The following HDAC4 variants were observed in gnomAD, a reference collection of about 807,000 sequenced individuals.
The protein encoded by HDAC4 is histone deacetylase A.
Under a neutral mutation model 135.1 loss-of-function variants are expected in HDAC4, and 16 were observed. That is an observed-to-expected ratio of 0.12 (90% CI 0.08 to 0.18). HDAC4 has a LOEUF of 0.18. HDAC4 is among the 10% of genes least tolerant of loss of function. The pLI is 1.00. For synonymous variants in HDAC4, 685 were observed against 653.4 expected, an observed-to-expected ratio of 1.05 and a Z score of -0.74; for missense variants, 1,143 against 1,511.8, an observed-to-expected ratio of 0.76 and a Z score of 4.05.
Position 239,331,156 on chromosome 2 carries a change from G to A in HDAC4, c.22+21522C>T, listed in dbSNP as rs1464850307. On this transcript the variant is annotated intron_variant, in intron 2 of 26. Transcript: ENST00000543185. This position sits in a 1 kb window ranked among gnomAD's most constrained non-coding sequence, Gnocchi z 4.5. ...GAGGAAGCGGGGCTGATGGGCCATCGGAGCAAAGCGCGGCCAGCACTGTCG... is the reference window on the plus strand; with the variant it reads ...GAGGAAGCGGGGCTGATGGGCCATCAGAGCAAAGCGCGGCCAGCACTGTCG... Among the ~76,000 whole-genome samples the A allele has an allele frequency of 6.6e-6, 1 of 152,178 alleles. No individual in the cohort carries two copies. The highest frequency in any genetic ancestry group is 1.5e-5 in the Non-Finnish European group (1 of 68,036).
intron 2 of HDAC4, among the ~76,000 whole-genome samples, chr2:239,253,999 G>A (rs572338245): frequency 6.6e-6 from 1 of 152,132 alleles, no homozygotes; most frequent in Non-Finnish European, 1.5e-5. Flanking sequence ...ACCAGGCCTG[G>A]GAAGCAATAG....
At chr2:239,384,640 G>A (rs1695660311) in intron 1 of HDAC4, among the ~76,000 whole-genome samples, 1 of 152,040 alleles carries the variant, frequency 6.6e-6, no homozygotes, top group African/African-American at 2.4e-5. Context: ...GGAAACGGAA[G>A]AAAAGAAAGA....
chr2:239,231,047 C>T (rs369636621), intron 3 of HDAC4, among the ~76,000 whole-genome samples: 3 of 152,174 alleles, frequency 2.0e-5, no homozygotes, highest in Admixed American at 6.5e-5. Context: ...TGAAGCCAAA[C>T]GTGAATTTTG....
At chr2:239,267,371 G>A (rs1280310328) in intron 2 of HDAC4, among the ~76,000 whole-genome samples, 1 of 152,222 alleles carries the variant, frequency 6.6e-6, no homozygotes, top group African/African-American at 2.4e-5. Flanking sequence ...AGTCTGAAGA[G>A]CACCAGTGGC....
intron 2 of HDAC4, among the ~76,000 whole-genome samples, chr2:239,312,279 C>A (rs908369935): frequency 1.3e-5 from 2 of 152,158 alleles, no homozygotes; most frequent in Admixed American, 1.3e-4. Flanking sequence ...GGTACCATCA[C>A]CACAGCCTTG....
At chr2:239,053,653 G>A (rs1470570108) in intron 25 of HDAC4, 52 bp from the exon 26 acceptor site, 2 of 1,563,750 alleles carry the variant, frequency 1.3e-6, no homozygotes, top group South Asian at 1.1e-5. Flanking sequence ...TTAGCAGGAT[G>A]CACTGAGGCC....
chr2:239,138,730 G>A (rs945190085), intron 9 of HDAC4, among the ~76,000 whole-genome samples: 1 of 152,198 alleles, frequency 6.6e-6, no homozygotes, highest in Admixed American at 6.5e-5. Flanking sequence ...TGTCAGTGGG[G>A]CATTGTGTGG....
intron 4 of HDAC4, among the ~76,000 whole-genome samples, chr2:239,181,145 G>A (rs3791540): frequency 0.074 from 11,207 of 152,304 alleles, 553 homozygotes; most frequent in East Asian, 0.16. Flanking sequence ...TCTCCTCACA[G>A]ATGAAAAGCC....
intron 2 of HDAC4, among the ~76,000 whole-genome samples, chr2:239,264,191 C>T (rs1241816962): frequency 1.3e-5 from 2 of 152,314 alleles, no homozygotes; most frequent in South Asian, 2.1e-4. Context: ...GGAGTTCCTG[C>T]CGCTCGGGGA....
chr2:239,375,698 G>T (rs528783612), intron 1 of HDAC4, among the ~76,000 whole-genome samples: 9 of 152,240 alleles, frequency 5.9e-5, no homozygotes, highest in Non-Finnish European at 1.0e-4. Flanking sequence ...GGGCAGTCTG[G>T]GGTGGAAGAT....
At chr2:239,092,264 A>AT (rs2036589513) in intron 17 of HDAC4, among the ~76,000 whole-genome samples, 1 of 151,698 alleles carries the variant, frequency 6.6e-6, no homozygotes, top group African/African-American at 2.4e-5. Flanking sequence ...AAAAAAAAAA[A>AT]ATCCAAGGTG....
At chr2:239,160,386 C>T (rs973181632) in intron 6 of HDAC4, among the ~76,000 whole-genome samples, 20 of 152,212 alleles carry the variant, frequency 1.3e-4, no homozygotes, top group African/African-American at 4.6e-4. Context: ...TTGTGGCAGC[C>T]ACACTGGAAG....
intron 2 of HDAC4, among the ~76,000 whole-genome samples, chr2:239,237,873 C>G (rs890446468): frequency 5.9e-5 from 9 of 152,326 alleles, no homozygotes; most frequent in Admixed American, 5.2e-4. Context: ...CAACCAGCAG[C>G]TCCTCCCAAG....
intron 1 of HDAC4, among the ~76,000 whole-genome samples, chr2:239,356,494 T>C (rs2125937269): frequency 6.6e-6 from 1 of 152,354 alleles, no homozygotes; most frequent in Middle Eastern, 3.4e-3. Flanking sequence ...CCAAGCACTA[T>C]ACACCCAGCT....
chr2:239,362,474 A>T (rs943283133), intron 1 of HDAC4, among the ~76,000 whole-genome samples: 5 of 152,230 alleles, frequency 3.3e-5, no homozygotes, highest in African/African-American at 9.6e-5. Flanking sequence ...CTTCTAAAAC[A>T]TCTTACCAAG....
At chr2:239,181,342 C>A (rs1024749451) in intron 4 of HDAC4, among the ~76,000 whole-genome samples, 6 of 152,214 alleles carry the variant, frequency 3.9e-5, no homozygotes, top group Admixed American at 2.0e-4. Context: ...GGCTTGCCTT[C>A]CAGCAGGGGT....
At chr2:239,373,012 T>C (rs575770968) in intron 1 of HDAC4, among the ~76,000 whole-genome samples, 4 of 152,266 alleles carry the variant, frequency 2.6e-5, no homozygotes, top group Non-Finnish European at 5.9e-5. Flanking sequence ...GGCACAGACT[T>C]TCCTCCAAGC....
intron 5 of HDAC4, among the ~76,000 whole-genome samples, chr2:239,169,955 C>G (rs527861600): frequency 6.6e-6 from 1 of 152,308 alleles, no homozygotes; most frequent in South Asian, 2.1e-4. Context: ...CTTTCAAATC[C>G]TGATGCAAAA....
chr2:239,260,334 A>G lies in HDAC4; in HGVS notation c.23-23670T>C, dbSNP rs115587274. The stretch of plus-strand genomic sequence containing the variant: ...CCTCACTCACTAGCTGTCAGATCTT[A>G]GGCAAGTTTTATATGTCCCAGTTTC... On this transcript the variant is annotated intron_variant, in intron 2 of 26. Coordinates refer to ENST00000543185, the MANE Select transcript of HDAC4 (RefSeq NM_001378414.1). Among the ~76,000 whole-genome samples the G allele has an allele frequency of 3.5e-3, 530 of 152,324 alleles. 3 individuals carry two copies. Among genetic ancestry groups the G allele is most frequent in the South Asian group, 7.7e-3 (37 of 4,826 alleles).
Sources: allele counts gnomAD v4.1 joint callset (sites outside exome capture counted in the v4.1 genomes callset), GRCh38; gene constraint gnomAD v4.1.1; non-coding constraint Gnocchi (gnomAD v3.1); transcripts MANE v1.5; gene names NCBI Gene and HGNC (gene_info 2026-07-23, HGNC 2026-07-21).